The following AMZ2 variants were observed in gnomAD, a reference collection of about 807,000 sequenced individuals.
AMZ2 encodes the protein archaelysin family metallopeptidase 2.
In AMZ2, 26 loss-of-function variants were observed where a neutral mutation model predicts 36.7. That is an observed-to-expected ratio of 0.71 (90% confidence interval 0.52 to 0.98). AMZ2 has a LOEUF of 0.98. AMZ2 is among the 50% of genes least tolerant of loss of function. The pLI, the probability that AMZ2 is intolerant of heterozygous loss-of-function variation, is 0.00. For synonymous variants in AMZ2, 144 were observed against 149.1 expected (o/e 0.97, Z 0.25); for missense variants, 394 against 430.5 (o/e 0.92, Z 0.75).
At chr17:68,222,924 G>A (rs2073406394) in intron 1 of AMZ2, among the ~76,000 whole-genome samples, 1 of 152,076 alleles carries the variant, frequency 6.6e-6, no homozygotes, top group Non-Finnish European at 1.5e-5. Context: ...CTGTCCTAGG[G>A]AACTGACTTC....
intron 1 of AMZ2, among the ~76,000 whole-genome samples, chr17:68,229,946 G>A (rs1407472570): frequency 1.2e-4 from 18 of 152,212 alleles, no homozygotes; most frequent in African/African-American, 4.1e-4. Context: ...AGTAAGGCCC[G>A]TTACCTGGTG....
chr17:68,238,010 A>T (rs1951272578), intron 1 of AMZ2, among the ~76,000 whole-genome samples: 1 of 152,184 alleles, frequency 6.6e-6, no homozygotes, highest in Non-Finnish European at 1.5e-5. Flanking sequence ...TGTCTTATTC[A>T]GACCATCTCC....
At chr17:68,209,632 A>ATTTTTTTTTTTT (rs1224207690) in intron 1 of AMZ2, among the ~76,000 whole-genome samples, 93 of 90,670 alleles carry the variant, frequency 1.0e-3, no homozygotes, top group African/African-American at 4.1e-3. Context: ...ATATATATAT[A>ATTTTTTTTTTTT]TTTTTTTTTT....
chr17:68,216,040 A>G (rs529768877), intron 1 of AMZ2, among the ~76,000 whole-genome samples: 1,610 of 152,300 alleles, frequency 0.011, 22 homozygotes, highest in African/African-American at 0.036. Flanking sequence ...CACTTCATGC[A>G]TGCCTCACAG....
At chr17:68,222,756 G>C (rs2362732) in intron 1 of AMZ2, among the ~76,000 whole-genome samples, 53,047 of 151,978 alleles carry the variant, frequency 0.35, 10,225 homozygotes, top group African/African-American at 0.52. Context: ...CCGCTGATCT[G>C]ACAGGAGGCG....
intron 1 of AMZ2, among the ~76,000 whole-genome samples, chr17:68,214,019 G>A (rs2144500346): frequency 6.9e-6 from 1 of 145,574 alleles, no homozygotes; most frequent in Non-Finnish European, 1.5e-5. Context: ...TTACTTTTCT[G>A]AGGCTATTAA....
At chr17:68,250,732 G>T in intron 2 of AMZ2, 62 bp from the exon 3 acceptor site, 1 of 1,421,234 alleles carries the variant, frequency 7.0e-7, no homozygotes, top group South Asian at 1.4e-5. Context: ...CTTACTCATA[G>T]ACTGGGTAAA....
chr17:68,216,690 G>A (rs1351382760), intron 1 of AMZ2, among the ~76,000 whole-genome samples: 1 of 152,182 alleles, frequency 6.6e-6, no homozygotes, highest in Non-Finnish European at 1.5e-5. Context: ...TATAACTCGA[G>A]GAGAAAGATA....
chr17:68,247,892 G>C (rs1347330557), upstream of AMZ2: 2 of 985,450 alleles, frequency 2.0e-6, no homozygotes, highest in Non-Finnish European at 1.2e-6. Context: ...CGCGGCCGCT[G>C]AACTCCAGCT....
At chr17:68,222,399 C>T (rs1383836777) in intron 1 of AMZ2, among the ~76,000 whole-genome samples, 3 of 152,228 alleles carry the variant, frequency 2.0e-5, no homozygotes, top group African/African-American at 7.2e-5. Flanking sequence ...GGGCAGTGGT[C>T]CCCAACCTTT....
intron 1 of AMZ2, among the ~76,000 whole-genome samples, chr17:68,209,278 C>T (rs2072943455): frequency 6.6e-6 from 1 of 151,610 alleles, no homozygotes; most frequent in Admixed American, 6.6e-5. Context: ...ACTGCAACCT[C>T]CACCTCCTGT....
At chr17:68,223,886 A>T (rs570240694) in intron 1 of AMZ2, among the ~76,000 whole-genome samples, 4,183 of 62,676 alleles carry the variant, frequency 0.067, 209 homozygotes, top group African/African-American at 0.26. Flanking sequence ...CAGCTAATTT[A>T]TATATATATA....
At chr17:68,210,825 G>T (rs1408499787) in intron 1 of AMZ2, among the ~76,000 whole-genome samples, 1 of 151,848 alleles carries the variant, frequency 6.6e-6, no homozygotes, top group African/African-American at 2.4e-5. Context: ...GTGTGTGCCT[G>T]TGGTCCTAGT....
chr17:68,251,978 T>C (rs1408575192), intron 4 of AMZ2, among the ~76,000 whole-genome samples: 8 of 152,168 alleles, frequency 5.3e-5, no homozygotes, highest in African/African-American at 1.4e-4. Flanking sequence ...TATGGTAATA[T>C]TAGGGATGGG....
intron 1 of AMZ2, among the ~76,000 whole-genome samples, chr17:68,209,628 A>ATTTTTTTT (rs1322446681): frequency 5.1e-5 from 5 of 98,528 alleles, no homozygotes; most frequent in African/African-American, 2.0e-4. Context: ...ATATATATAT[A>ATTTTTTTT]TATATTTTTT....
At position 68,227,219 on chromosome 17, in the gene AMZ2, G is replaced by A. The variant is rs573434274; in HGVS notation, c.-67+20981G>A. Among the ~76,000 whole-genome samples the A allele has an allele frequency of 7.8e-4, 118 of 152,224 alleles. 1 individual carries two copies. The highest frequency in any genetic ancestry group is 2.7e-3 in the African/African-American group (113 of 41,534). The stretch of plus-strand genomic sequence containing the variant: ...TGTCACAGACCTGCTCCGTGACCTC[G>A]GGAAGATGATCTGACCTCTCGACAC... On this transcript the variant is annotated intron_variant, in intron 1 of 7. Transcript: ENST00000674770.
chr17:68,211,746 G>GTATATATGTA (rs2073058973), intron 1 of AMZ2, among the ~76,000 whole-genome samples: 1 of 135,942 alleles, frequency 7.4e-6, no homozygotes, highest in African/African-American at 3.2e-5. Context: ...ATGTGTATAT[G>GTATATATGTA]TATATATGTA....
chr17:68,211,706 ATG>A (rs1293439852), intron 1 of AMZ2, among the ~76,000 whole-genome samples: 2 of 143,814 alleles, frequency 1.4e-5, no homozygotes, highest in East Asian at 3.9e-4. Flanking sequence ...ATATGTATAT[ATG>A]TATATGTATA....
At chr17:68,217,043 A>G (rs1158216353) in intron 1 of AMZ2, among the ~76,000 whole-genome samples, 2 of 152,192 alleles carry the variant, frequency 1.3e-5, no homozygotes, top group Non-Finnish European at 2.9e-5. Context: ...AAAAAAAAAA[A>G]AAAAAAAGTC....
Sources: gnomAD v4.1 joint callset for allele counts (sites outside exome capture counted in the v4.1 genomes callset) on GRCh38, gnomAD v4.1.1 for gene constraint, MANE v1.5 for transcripts, NCBI Gene and HGNC (gene_info 2026-07-23, HGNC 2026-07-21) for gene names.